GRK1: variants seen among roughly 807,000 people sequenced by gnomAD.
The protein encoded by GRK1 is G protein-coupled receptor kinase 1.
A neutral mutation model predicts 41.7 loss-of-function variants in GRK1; 28 were observed. That is an observed-to-expected ratio of 0.67 (90% confidence interval 0.50 to 0.92). The LOEUF (loss-of-function observed/expected upper bound fraction) is 0.92. GRK1 is among the 40% of genes least tolerant of loss of function. The pLI, the probability that GRK1 is intolerant of heterozygous loss-of-function variation, is 0.00. For synonymous variants in GRK1, 327 were observed against 286.7 expected (o/e 1.14, Z -1.42); for missense variants, 703 against 671.2 (o/e 1.05, Z -0.52).
the GRK1 span, chr13:113,654,888 G>T: frequency 1.2e-6 from 2 of 1,614,226 alleles, no homozygotes; most frequent in Non-Finnish European, 1.7e-6. Context: ...GAGGCACAGG[G>T]CGAAGAGCCC....
At chr13:113,652,795 GCTC>G in the GRK1 span, 1 of 1,511,584 alleles carries the variant, frequency 6.6e-7, no homozygotes, top group Non-Finnish European at 9.1e-7. Flanking sequence ...GGACACCTGT[GCTC>G]CTCGTGGTGG....
rs1030872582 is a variant in GRK1 at position 113,735,419 on chromosome 13, G to A, written c.*56G>A. The A allele has an allele frequency of 9.1e-6, 13 of 1,421,780 alleles. No homozygotes were observed. The highest frequency in any genetic ancestry group is 8.7e-5 in the African/African-American group (6 of 69,218). 88.1% of individuals were successfully genotyped at this position (1,421,780 alleles called of 1,614,324 possible). On this transcript the variant is annotated 3_prime_UTR_variant, in exon 7 of 7. Coordinates refer to ENST00000335678, the MANE Select transcript of GRK1 (RefSeq NM_002929.3). Reference sequence around the variant, plus strand: ...GGACCCATACGGCTCGATGGGGGCCGCCTGCCTCCGTGGTGCCAGCCTGGG... The same window carrying A: ...GGACCCATACGGCTCGATGGGGGCCACCTGCCTCCGTGGTGCCAGCCTGGG...
chr13:113,649,418 G>A, the GRK1 span: 2 of 1,589,646 alleles, frequency 1.3e-6, no homozygotes, highest in African/African-American at 2.7e-5. The surrounding 1 kb of genome is among the most constrained non-coding windows in gnomAD (Gnocchi z 4.7). Flanking sequence ...CCTTCATACG[G>A]GTCGTGGGGA....
chr13:113,724,392 T>C (rs1189320522), intron 4 of GRK1, among the ~76,000 whole-genome samples: 1 of 152,058 alleles, frequency 6.6e-6, no homozygotes, highest in Non-Finnish European at 1.5e-5. Context: ...CGCTTCCCCG[T>C]GGTTGTTTTG....
intron 6 of GRK1, chr13:113,734,352 G>A (rs1296979244): frequency 2.0e-5 from 3 of 152,338 alleles, no homozygotes; most frequent in African/African-American, 7.2e-5. Context: ...GGATGAGGAG[G>A]GGACCCCGCC....
At chr13:113,658,916 C>G in the GRK1 span, among the ~76,000 whole-genome samples, 7 of 152,158 alleles carry the variant, frequency 4.6e-5, no homozygotes, top group African/African-American at 1.7e-4. Flanking sequence ...AGATTCAGCC[C>G]AGCGAGTCCT....
chr13:113,648,456 C>T, the GRK1 span, among the ~76,000 whole-genome samples: 50 of 152,302 alleles, frequency 3.3e-4, 1 homozygote, highest in South Asian at 9.5e-3. Context: ...CGGGGTGAGA[C>T]GCCCGTGGCC....
Position 113,731,118 on chromosome 13 carries a change from CG to C in GRK1, c.1070-94del, listed in dbSNP as rs548368069. ...CCAAATGTGGAGAGTGCTGAGGCCC[CG>C]GGGGGGATGCATCCCCAGAGCATCA... is the stretch of plus-strand genomic sequence containing the variant. On this transcript the variant is annotated intron_variant, in intron 4 of 6. Transcript: ENST00000335678. The surrounding 1 kb of genome is among the most constrained non-coding windows in gnomAD (Gnocchi z 5.6). 4.2e-5 allele frequency: 62 copies of C among 1,459,100 alleles called. No homozygotes were observed. Among genetic ancestry groups the C allele is most frequent in the South Asian group, 1.1e-4 (8 of 73,432 alleles). 90.4% of individuals were successfully genotyped at this position (1,459,100 alleles called of 1,614,324 possible).
intron 4 of GRK1, among the ~76,000 whole-genome samples, chr13:113,727,986 A>G (rs1475441013): frequency 1.2e-5 from 1 of 81,102 alleles, no homozygotes; most frequent in Non-Finnish European, 2.3e-5. Flanking sequence ...GATGAGGAGT[A>G]CCCATGGCGA....
intron 4 of GRK1, among the ~76,000 whole-genome samples, chr13:113,729,447 C>T (rs148545797): frequency 0.016 from 2,398 of 152,290 alleles, 38 homozygotes; most frequent in Non-Finnish European, 0.021. Flanking sequence ...AGTCCCGGGA[C>T]AGGGGCAGTG....
chr13:113,668,928 G>A (rs574719140), intron 1 of GRK1, among the ~76,000 whole-genome samples: 2 of 152,376 alleles, frequency 1.3e-5, no homozygotes, highest in South Asian at 4.1e-4. Flanking sequence ...ACAGCGCTGG[G>A]CGGAGGCCCT....
rs36180233 is a variant in GRK1 at position 113,733,546 on chromosome 13, T to C, written c.1396+461T>C. Among the ~76,000 whole-genome samples, 1,204 of 150,570 alleles carry C rather than the reference T, an allele frequency of 8.0e-3. 15 individuals carry two copies. The highest frequency in any genetic ancestry group is 0.024 in the African/African-American group (996 of 40,806). On this transcript the variant is annotated intron_variant, in intron 6 of 6. Coordinates refer to ENST00000335678, the MANE Select transcript of GRK1 (RefSeq NM_002929.3). ...ATGTGTGCGCGTGTGTGCATGCGTG[T>C]GCGCGCACGTGTGTCCATGTATGTG...
chr13:113,658,415 T>G, the GRK1 span, among the ~76,000 whole-genome samples: 1 of 152,214 alleles, frequency 6.6e-6, no homozygotes, highest in Non-Finnish European at 1.5e-5. Context: ...TGGCTGCAGC[T>G]TTGTCTGCTC....
the GRK1 span, among the ~76,000 whole-genome samples, chr13:113,654,457 T>G: frequency 6.6e-6 from 1 of 152,356 alleles, no homozygotes; most frequent in South Asian, 2.1e-4. Context: ...ACATTCCGTG[T>G]GCATATCCAA....
the GRK1 span, among the ~76,000 whole-genome samples, chr13:113,651,002 C>T: frequency 1.4e-4 from 21 of 151,798 alleles, no homozygotes; most frequent in Non-Finnish European, 2.5e-4. Flanking sequence ...TCTCAGGAGC[C>T]GCAGTGTGGC....
the GRK1 span, among the ~76,000 whole-genome samples, chr13:113,653,837 G>A: frequency 6.6e-6 from 1 of 152,258 alleles, no homozygotes; most frequent in East Asian, 1.9e-4. Context: ...CATGTTAACT[G>A]TAAAACTGAA....
At chr13:113,662,659 G>A (rs1030190926), upstream of GRK1, among the ~76,000 whole-genome samples, 4 of 152,150 alleles carry the variant, frequency 2.6e-5, no homozygotes, top group Non-Finnish European at 5.9e-5. Context: ...CTAGCAATAG[G>A]CATATGGATA....
In GRK1 at chr13:113,731,232, C is replaced by G; in HGVS notation, c.1083C>G (p.Pro361=). The G allele has an allele frequency of 6.5e-7, 1 of 1,537,032 alleles. No homozygotes were observed. The highest frequency in any genetic ancestry group is 8.7e-7 in the Non-Finnish European group (1 of 1,146,792). The change falls in exon 5 of 7, where the codon CCC becomes CCG. Residue 361 remains proline (P), a synonymous_variant. Coordinates refer to ENST00000335678, the MANE Select transcript of GRK1 (RefSeq NM_002929.3). The surrounding 1 kb of genome is among the most constrained non-coding windows in gnomAD (Gnocchi z 5.6). ...CCTTGCTGGCAGGTTTCATGGCCCC[C>G]GAGCTCCTGCAGGGCGAGGAGTACG... is the stretch of plus-strand genomic sequence containing the variant. ...GYAGTPGFMA[P]ELLQGEEYDF...
At chr13:113,656,707 G>A in the GRK1 span, among the ~76,000 whole-genome samples, 1 of 152,204 alleles carries the variant, frequency 6.6e-6, no homozygotes, top group Non-Finnish European at 1.5e-5. Flanking sequence ...TTTCACTTGA[G>A]TTGTGTTTTC....
Sources: gnomAD v4.1 joint callset for allele counts (sites outside exome capture counted in the v4.1 genomes callset) on GRCh38, gnomAD v4.1.1 for gene constraint, Gnocchi (gnomAD v3.1) non-coding constraint, MANE v1.5 for transcripts, NCBI Gene and HGNC (gene_info 2026-07-23, HGNC 2026-07-21) for gene names.